DTWD2: variants seen among roughly 807,000 people sequenced by gnomAD.
DTWD2 encodes tRNA-uridine aminocarboxypropyltransferase 2.
In DTWD2, 39 loss-of-function variants were observed where a neutral mutation model predicts 31.8. The ratio of observed to expected loss-of-function variants is 1.22; its 90% CI spans 0.95 to 1.60. DTWD2 has a LOEUF of 1.60. Ranked by LOEUF, DTWD2 falls within the 40% of genes most tolerant of loss-of-function variation. The probability of loss-of-function intolerance (pLI) is 0.00; values close to 1 mark genes in which losing one functional copy is unlikely to be tolerated. For synonymous variants in DTWD2, 180 were observed against 142.8 expected (o/e 1.26, Z -1.86); for missense variants, 515 against 381.5 (o/e 1.35, Z -2.92).
chr5:118,928,771 G>A, intron 3 of DTWD2, 42 bp from the exon 4 acceptor site: 3 of 1,424,864 alleles, frequency 2.1e-6, no homozygotes, highest in Non-Finnish European at 1.9e-6. Context: ...TAGCTTGTGA[G>A]GAAAAAAGGT....
At chr5:118,852,536 GA>G (rs1322049023) in intron 4 of DTWD2, among the ~76,000 whole-genome samples, 1 of 152,112 alleles carries the variant, frequency 6.6e-6, no homozygotes, top group African/African-American at 2.4e-5. Context: ...ACACAAGTCA[GA>G]AGGGCTATTA....
chr5:118,891,910 G>GA (rs1279595647), intron 4 of DTWD2, among the ~76,000 whole-genome samples: 1 of 151,936 alleles, frequency 6.6e-6, no homozygotes, highest in African/African-American at 2.4e-5. Context: ...ATACAAGCAA[G>GA]AAAATAAAAT....
At chr5:118,898,489 C>T (rs147191153) in intron 4 of DTWD2, among the ~76,000 whole-genome samples, 3,611 of 150,540 alleles carry the variant, frequency 0.024, 58 homozygotes, top group Non-Finnish European at 0.026. Context: ...GAAACCCCGT[C>T]GCTACTGAAA....
chr5:118,919,595 T>C (rs907915536), intron 4 of DTWD2, among the ~76,000 whole-genome samples: 2 of 152,192 alleles, frequency 1.3e-5, no homozygotes, highest in African/African-American at 2.4e-5. Flanking sequence ...TCACAGACTA[T>C]TGTTTCCCCA....
chr5:118,892,748 A>G (rs1032026142), intron 4 of DTWD2, among the ~76,000 whole-genome samples: 1 of 152,278 alleles, frequency 6.6e-6, no homozygotes, highest in East Asian at 1.9e-4. Flanking sequence ...ACAAAACTAC[A>G]TATGTATTTT....
intron 2 of DTWD2, 128 bp from the exon 3 acceptor site, chr5:118,939,418 G>A (rs1329075488): frequency 2.6e-6 from 2 of 777,652 alleles, no homozygotes; most frequent in African/African-American, 3.6e-5. Flanking sequence ...AAAGACCACA[G>A]TTTAATAAAA....
At chr5:118,901,250 A>C (rs1753205034) in intron 4 of DTWD2, among the ~76,000 whole-genome samples, 1 of 152,174 alleles carries the variant, frequency 6.6e-6, no homozygotes, top group South Asian at 2.1e-4. Flanking sequence ...TATTCTAAAT[A>C]GTAAAAAAGG....
rs531596917 is a variant in DTWD2, at chr5:118,945,564, A to T, written c.219-915T>A. On this transcript the variant is annotated intron_variant, in intron 1 of 5. Coordinates refer to ENST00000510708, the MANE Select transcript of DTWD2 (RefSeq NM_173666.4). Reference sequence around the variant, plus strand: ...CAGATCACCTGAGGTCAAGAGTTCAAGACCAGCCTGGCCAATGTGGTGAAA... The same window carrying T: ...CAGATCACCTGAGGTCAAGAGTTCATGACCAGCCTGGCCAATGTGGTGAAA... Among the ~76,000 whole-genome samples, 10 of 152,256 alleles carry T rather than the reference A, an allele frequency of 6.6e-5. No homozygotes were observed. The East Asian group carries it at 1.7e-3, about 26-fold the overall frequency.
chr5:118,881,959 A>G lies in DTWD2; in HGVS notation c.598-33741T>C, dbSNP rs141129319. On this transcript the variant is annotated intron_variant, in intron 4 of 5. Coordinates refer to ENST00000510708, the MANE Select transcript of DTWD2 (RefSeq NM_173666.4). ...ATGTAATTTGCACATTTCAAAGCCA[A>G]TCTCGCCTTCATAACAGTCCCCCAA... Among the ~76,000 whole-genome samples the G allele has an allele frequency of 7.0e-4, 107 of 152,262 alleles. 2 individuals carry two copies. In the East Asian group the frequency reaches 0.019, roughly 27 times the overall value.
At chr5:118,944,152 T>C (rs1449725341) in intron 2 of DTWD2, among the ~76,000 whole-genome samples, 3 of 152,264 alleles carry the variant, frequency 2.0e-5, no homozygotes, top group East Asian at 1.9e-4. Flanking sequence ...AATTTATTTA[T>C]ACATTCACTT....
At chr5:118,884,954 C>T (rs1263792038) in intron 4 of DTWD2, among the ~76,000 whole-genome samples, 1 of 146,436 alleles carries the variant, frequency 6.8e-6, no homozygotes, top group Non-Finnish European at 1.5e-5. Flanking sequence ...CGAGACTACG[C>T]CACTGCACTC....
intron 4 of DTWD2, among the ~76,000 whole-genome samples, chr5:118,864,538 A>T (rs2149546434): frequency 6.6e-6 from 1 of 151,572 alleles, no homozygotes; most frequent in East Asian, 1.9e-4. Context: ...TTAAAAAAAA[A>T]AAAAAAGACA....
At chr5:118,937,437 G>A (rs1257616825) in intron 3 of DTWD2, among the ~76,000 whole-genome samples, 2 of 149,578 alleles carry the variant, frequency 1.3e-5, no homozygotes, top group African/African-American at 4.9e-5. Flanking sequence ...TAATACAGTT[G>A]TTGCCTTGGC....
At position 118,967,925 on chromosome 5, in the gene DTWD2, A is replaced by G. The variant is rs1288257665; in HGVS notation, c.218+20369T>C. Reference sequence around the variant, plus strand: ...TCCCCAAGATATTTATTAACTACAAAGGGAACAGGAGTAACTGCATAGTAG... The same window carrying G: ...TCCCCAAGATATTTATTAACTACAAGGGGAACAGGAGTAACTGCATAGTAG... On this transcript the variant is annotated intron_variant, in intron 1 of 5. Transcript: ENST00000510708. Among the ~76,000 whole-genome samples the G allele has an allele frequency of 1.3e-5, 2 of 152,238 alleles. 1 individual carries two copies. The highest frequency in any genetic ancestry group is 2.9e-5 in the Non-Finnish European group (2 of 68,038).
chr5:118,932,285 T>A, intron 3 of DTWD2, among the ~76,000 whole-genome samples: 1 of 143,316 alleles, frequency 7.0e-6, no homozygotes, highest in Non-Finnish European at 1.5e-5. Flanking sequence ...AAGACCAGCC[T>A]GAGCAATGTA....
At chr5:118,983,110 T>C (rs1755343250) in intron 1 of DTWD2, among the ~76,000 whole-genome samples, 2 of 152,204 alleles carry the variant, frequency 1.3e-5, no homozygotes. Flanking sequence ...ATTTACCAGT[T>C]GCTCAGTCAG....
chr5:118,979,287 G>C (rs979321463), intron 1 of DTWD2, among the ~76,000 whole-genome samples: 6 of 152,102 alleles, frequency 3.9e-5, no homozygotes, highest in Non-Finnish European at 8.8e-5. Flanking sequence ...CTGGGCGACA[G>C]AGCAAGAGTC....
chr5:118,895,107 A>T (rs571655625), intron 4 of DTWD2, among the ~76,000 whole-genome samples: 8 of 152,156 alleles, frequency 5.3e-5, no homozygotes, highest in African/African-American at 1.4e-4. Flanking sequence ...CCTTATATTT[A>T]AAAAAAATCT....
Position 118,988,429 on chromosome 5 carries a change from T to G in DTWD2, c.83A>C (p.Asp28Ala), listed in dbSNP as rs773721117. The G allele has an allele frequency of 6.2e-7, 1 of 1,607,138 alleles. No individual in the cohort carries two copies. The highest frequency in any genetic ancestry group is 1.7e-5 in the Admixed American group (1 of 59,716). ...SGASSSQTPN[D>A]KERREGGAVP... ...TGCGCCGCCCTCCCGCCGCTCCTTG[T>G]CGTTCGGCGTCTGAGAGCTTGAGGC... Residue 28 changes from aspartate to alanine, a missense_variant, in exon 1 of 6, where the codon GAC becomes GCC. Coordinates refer to ENST00000510708, the MANE Select transcript of DTWD2 (RefSeq NM_173666.4).
Sources: allele counts gnomAD v4.1 joint callset (sites outside exome capture counted in the v4.1 genomes callset), GRCh38; gene constraint gnomAD v4.1.1; transcripts MANE v1.5; gene names NCBI Gene and HGNC (gene_info 2026-07-23, HGNC 2026-07-21).